Variants in HNRNPA2B1 observed in about 807,000 individuals in gnomAD.
HNRNPA2B1 encodes the protein heterogeneous nuclear ribonucleoprotein A2/B1.
In HNRNPA2B1, 3 loss-of-function variants were observed where a neutral mutation model predicts 46.3. That is an observed-to-expected ratio of 0.06 (90% CI 0.03 to 0.17). HNRNPA2B1 has a LOEUF of 0.17. Among genes scored for constraint, HNRNPA2B1 ranks in the 10% least tolerant of loss-of-function variants. The probability of loss-of-function intolerance (pLI) is 1.00; values close to 1 mark genes in which losing one functional copy is unlikely to be tolerated. For missense variants in HNRNPA2B1, 221 were observed against 418.9 expected, an observed-to-expected ratio of 0.53 and a Z score of 4.12; for synonymous variants, 225 against 133.8, an observed-to-expected ratio of 1.68 and a Z score of -4.70.
At chr7:26,195,792 CG>C in intron 7 of HNRNPA2B1, 54 bp downstream of exon 7, 1 of 1,568,038 alleles carries the variant, frequency 6.4e-7, no homozygotes, top group East Asian at 2.3e-5. Flanking sequence ...AGTAAATATA[CG>C]ATATAGTTAA....
intron 9 of HNRNPA2B1, among the ~76,000 whole-genome samples, 162 bp from the exon 10 acceptor site, chr7:26,192,739 C>A (rs117382488): frequency 2.0e-5 from 3 of 152,176 alleles, no homozygotes; most frequent in Non-Finnish European, 4.4e-5. Flanking sequence ...ATAAATTACT[C>A]GGGTTCATAG....
chr7:26,193,588 G>T lies in HNRNPA2B1; in HGVS notation c.828C>A (p.Asp276Glu), dbSNP rs1425992652. The part of the protein sequence containing the change: ...NQGGGYGGGY[D>E]NYGGGNYGSG... Reference sequence around the variant, plus strand: ...TGAATTTATTACCTCCTCCATAGTTGTCATAACCACCTCCGTAGCCCCCAC... The same window carrying T: ...TGAATTTATTACCTCCTCCATAGTTTTCATAACCACCTCCGTAGCCCCCAC... The change falls in exon 8 of 11, where the codon GAC becomes GAA. Residue 276 changes from aspartate to glutamate, a missense_variant. By Grantham distance (45) the Asp-to-Glu change is conservative (BLOSUM62 2). Coordinates refer to ENST00000618183, the MANE Select transcript of HNRNPA2B1 (RefSeq NM_002137.4). 6.3e-7 allele frequency: 1 copy of T among 1,592,634 alleles called. No individual in the cohort carries two copies. The highest frequency in any genetic ancestry group is 1.9e-5 in the Admixed American group (1 of 51,826).
At chr7:26,199,318 T>C (rs777159055) in intron 1 of HNRNPA2B1, 5 of 152,550 alleles carry the variant, frequency 3.3e-5, no homozygotes, top group Admixed American at 6.5e-5. Flanking sequence ...CTTATCAATG[T>C]AATGTTCAAC....
chr7:26,200,104 G>GA, intron 1 of HNRNPA2B1: 1 of 195,004 alleles, frequency 5.1e-6, no homozygotes, highest in Non-Finnish European at 1.1e-5. Context: ...GAGTTATAAG[G>GA]AAAACGCTGA....
chr7:26,192,771 C>T (rs1260049014), intron 9 of HNRNPA2B1, among the ~76,000 whole-genome samples, 194 bp from the exon 10 acceptor site: 2 of 152,158 alleles, frequency 1.3e-5, no homozygotes, highest in South Asian at 2.1e-4. Context: ...TCGTGGCTGA[C>T]CCTATTCTTT....
intron 1 of HNRNPA2B1, chr7:26,199,236 AAT>A (rs1288072775): frequency 5.2e-5 from 8 of 152,632 alleles, no homozygotes; most frequent in African/African-American, 1.7e-4. Flanking sequence ...GATTTTAAAC[AAT>A]GTTATTTTAT....
At position 26,191,067 on chromosome 7, in the gene HNRNPA2B1, A is replaced by G. The variant is rs756529815; in HGVS notation, c.*1293T>C. The G allele has an allele frequency of 9.2e-5, 14 of 152,526 alleles. No homozygotes were observed. Among genetic ancestry groups the G allele is most frequent in the Non-Finnish European group, 1.5e-4 (10 of 68,004 alleles). 9.4% of individuals were successfully genotyped at this position (152,526 alleles called of 1,614,324 possible). Reference sequence around the variant, plus strand: ...ATCACTTGGCTTGCCTCAGCTGTTGAAATGAAGCACTTTACAGTCTTTGTG... The same window carrying G: ...ATCACTTGGCTTGCCTCAGCTGTTGGAATGAAGCACTTTACAGTCTTTGTG... On this transcript the variant is annotated 3_prime_UTR_variant, in exon 11 of 11. Transcript: ENST00000618183.
rs1200427033 is a variant in HNRNPA2B1, at chr7:26,193,641, C to T, written c.775G>A (p.Gly259Ser). The change falls in exon 8 of 11, where the codon GGT (glycine) becomes AGT (serine). Residue 259 changes from glycine (G) to serine (S), a missense_variant. Physicochemically the swap from Gly to Ser is moderately conservative, Grantham distance 56 (BLOSUM62 0). Around this residue, in one of 2 missense-constraint regions of HNRNPA2B1, gnomAD observed 143 missense variants for 200.5 expected, o/e 0.71. Transcript: ENST00000618183. ...TGGTTGCCATATCCAGGTCCTCCAC[C>T]ACCATATCCTCCTCTTCCTCCTCCA... ...GYGGGRGGYG[G>S]GGPGYGNQGG... 6.2e-7 allele frequency: 1 copy of T among 1,612,340 alleles called. No individual in the cohort carries two copies. Among genetic ancestry groups the T allele is most frequent in the Non-Finnish European group, 8.5e-7 (1 of 1,179,368 alleles).
chr7:26,194,248 T>C (rs1562704227), intron 7 of HNRNPA2B1, among the ~76,000 whole-genome samples: 1 of 151,858 alleles, frequency 6.6e-6, no homozygotes, highest in Non-Finnish European at 1.5e-5. Context: ...TACAAAACAT[T>C]AGCCGGACAT....
At position 26,200,626 on chromosome 7, in the gene HNRNPA2B1, G is replaced by T; in HGVS notation, c.-49C>A. On this transcript the variant is annotated 5_prime_UTR_variant, in exon 1 of 11. Transcript: ENST00000618183. ...GATTTCCCGCAGCCGAGCGAGATGA[G>T]AGAGATCTCCGCGGACGAACACGAA... The T allele has an allele frequency of 6.2e-7, 1 of 1,612,960 alleles. No homozygotes were observed.
chr7:26,194,625 TAA>T (rs760678197), intron 7 of HNRNPA2B1, among the ~76,000 whole-genome samples: 4 of 147,846 alleles, frequency 2.7e-5, no homozygotes, highest in Non-Finnish European at 6.0e-5. Flanking sequence ...GGCTTGAGAC[TAA>T]GATTGCAGTA....
intron 9 of HNRNPA2B1, 31 bp downstream of exon 9, chr7:26,193,220 A>G: frequency 6.2e-7 from 1 of 1,600,398 alleles, no homozygotes. Context: ...TAATCACAAA[A>G]ATCTGAATAA....
Position 26,200,557 on chromosome 7 carries a change from T to G in HNRNPA2B1, c.6+15A>C. 6.2e-7 allele frequency: 1 copy of G among 1,613,170 alleles called. No homozygotes were observed. Among genetic ancestry groups the G allele is most frequent in the South Asian group, 1.1e-5 (1 of 91,092 alleles). On this transcript the variant is annotated intron_variant, in intron 1 of 10. Transcript: ENST00000618183. ...CATGCCCTTTTCAATAACTCATTGA[T>G]TTCAAACCCGTTACCTCCATCGCGG...
chr7:26,195,141 G>A (rs760139339), intron 7 of HNRNPA2B1, among the ~76,000 whole-genome samples: 1 of 134,830 alleles, frequency 7.4e-6, no homozygotes. Context: ...AAAAAAGCTT[G>A]TGGGCTGAGT....
Position 26,196,549 on chromosome 7 carries a change from A to G in HNRNPA2B1, c.577+8T>C. 6.2e-7 allele frequency: 1 copy of G among 1,612,672 alleles called. No individual in the cohort carries two copies. Among genetic ancestry groups the G allele is most frequent in the Non-Finnish European group, 8.5e-7 (1 of 1,178,792 alleles). Reference sequence around the variant, plus strand: ...ACAAAAATAAAGAAGAAACAGAATTAAAATTACCTCCTCTTCCACTCCTAG... The same window carrying G: ...ACAAAAATAAAGAAGAAACAGAATTGAAATTACCTCCTCTTCCACTCCTAG... On this transcript the variant is annotated splice_region_variant and intron_variant, in intron 5 of 10. Coordinates refer to ENST00000618183, the MANE Select transcript of HNRNPA2B1 (RefSeq NM_002137.4).
At chr7:26,193,757 C>T in intron 7 of HNRNPA2B1, 63 bp from the exon 8 acceptor site, 1 of 1,348,800 alleles carries the variant, frequency 7.4e-7, no homozygotes, top group Non-Finnish European at 1.0e-6. Flanking sequence ...GAACTGTCTC[C>T]TCACATCCAT....
intron 1 of HNRNPA2B1, 152 bp downstream of exon 1, chr7:26,200,420 C>G (rs1288357093): frequency 6.2e-6 from 5 of 802,484 alleles, no homozygotes; most frequent in African/African-American, 1.7e-5. Flanking sequence ...GGCCTCCGCT[C>G]AAGACCCCGT....
intron 1 of HNRNPA2B1, chr7:26,199,140 A>G (rs903748994): frequency 6.6e-6 from 1 of 152,558 alleles, no homozygotes; most frequent in South Asian, 2.1e-4. Flanking sequence ...ATGTACATTT[A>G]TAACAAGTTT....
In HNRNPA2B1 at chr7:26,194,469, C is replaced by G. The variant is rs140143749; in HGVS notation, c.722-775G>C. 1.6e-4 allele frequency among the ~76,000 whole-genome samples: 25 copies of G among 152,002 alleles called. No homozygotes were observed. In the East Asian group the frequency reaches 3.9e-3, roughly 24 times the overall value. ...ATCCCAGCAGTACGGGAAGTTGAGG[C>G]GGGTGGATTGCTTGAGCCCAGGAAT... On this transcript the variant is annotated intron_variant, in intron 7 of 10. Coordinates refer to ENST00000618183, the MANE Select transcript of HNRNPA2B1 (RefSeq NM_002137.4).
Sources: allele counts gnomAD v4.1 joint callset (sites outside exome capture counted in the v4.1 genomes callset), GRCh38; gene constraint gnomAD v4.1.1; regional missense constraint gnomAD v4.1.1; transcripts MANE v1.5; gene names NCBI Gene and HGNC (gene_info 2026-07-23, HGNC 2026-07-21).